The following AGBL1 variants were observed in gnomAD, a reference collection of about 807,000 sequenced individuals.
AGBL1 encodes cytosolic carboxypeptidase 4.
A neutral mutation model predicts 118.9 loss-of-function variants in AGBL1; 130 were observed. The ratio of observed to expected loss-of-function variants is 1.09; its 90% confidence interval spans 0.95 to 1.26. The LOEUF is 1.26. Ranked by LOEUF, AGBL1 falls within the 50% of genes most tolerant of loss-of-function variation. The probability of loss-of-function intolerance (pLI) is 0.00; values close to 1 mark genes in which losing one functional copy is unlikely to be tolerated. For synonymous variants in AGBL1, 555 were observed against 478.9 expected (o/e 1.16, Z -2.08); for missense variants, 1,584 against 1,298.1 (o/e 1.22, Z -3.38).
chr15:86,298,246 A>ATAT lies in AGBL1; in HGVS notation c.2374+2838_2374+2839insTAT, dbSNP rs1555462936. 1.8e-3 allele frequency among the ~76,000 whole-genome samples: 126 copies of ATAT among 69,806 alleles called. 5 individuals carry two copies. Among genetic ancestry groups the ATAT allele is most frequent in the African/African-American group, 8.1e-3 (125 of 15,352 alleles). The allele number at this position is 69,806 out of a possible 152,430, so 45.8% of individuals were successfully genotyped here. A position where few individuals can be genotyped will look rare whatever the true frequency, so the allele number is the denominator to read the frequency against. On this transcript the variant is annotated intron_variant, in intron 17 of 22. Coordinates refer to ENST00000614907, the MANE Select transcript of AGBL1 (RefSeq NM_001386094.1). ...GTATACAGGGTACGTGTCTGTGTAT[A>ATAT]ATATATATATATATATATATATATA...
intron 22 of AGBL1, among the ~76,000 whole-genome samples, chr15:86,689,497 TTGTC>T (rs897932463): frequency 6.6e-6 from 1 of 152,098 alleles, no homozygotes; most frequent in African/African-American, 2.4e-5. Flanking sequence ...GAACAAATCT[TTGTC>T]AAGCCTCTCA....
chr15:86,447,749 G>A (rs1002040801), intron 18 of AGBL1, among the ~76,000 whole-genome samples: 3 of 152,132 alleles, frequency 2.0e-5, no homozygotes, highest in African/African-American at 4.8e-5. Context: ...AGGCCAGCGC[G>A]GAATATCTGG....
chr15:86,153,663 AAAAG>A (rs2077148051), intron 3 of AGBL1, among the ~76,000 whole-genome samples: 1 of 152,248 alleles, frequency 6.6e-6, no homozygotes, highest in Non-Finnish European at 1.5e-5. Context: ...TATTTTTTAA[AAAAG>A]AAAGAAACAT....
At chr15:86,786,750 T>C (rs1041472321) in intron 22 of AGBL1, among the ~76,000 whole-genome samples, 2 of 152,252 alleles carry the variant, frequency 1.3e-5, no homozygotes, top group Non-Finnish European at 2.9e-5. Context: ...CATATGCATG[T>C]TGCTACATGT....
chr15:86,606,568 A>G (rs1424503123), intron 21 of AGBL1, among the ~76,000 whole-genome samples: 1 of 152,174 alleles, frequency 6.6e-6, no homozygotes, highest in Admixed American at 6.5e-5. Flanking sequence ...AAGTGAGAGT[A>G]AAATGGTGTT....
Position 86,264,828 on chromosome 15 carries a change from G to A in AGBL1, c.1657G>A (p.Gly553Arg). The A allele has an allele frequency of 6.3e-7, 1 of 1,591,196 alleles. No homozygotes were observed. Among genetic ancestry groups the A allele is most frequent in the Non-Finnish European group, 8.5e-7 (1 of 1,171,738 alleles). Residue 553 changes from glycine to arginine, a missense_variant, in exon 11 of 23, where the codon GGA (glycine) becomes AGA (arginine). Physicochemically the swap from Gly to Arg is moderately radical, Grantham distance 125. Coordinates refer to ENST00000614907, the MANE Select transcript of AGBL1 (RefSeq NM_001386094.1). ...TTQPMLERKC[G>R]VQRIRIFEDI... ...CCAGCCTATGTTGGAACGAAAATGTGGAGTCCAAAGGTGATGGCGCTACTG... is the reference window on the plus strand; with the variant it reads ...CCAGCCTATGTTGGAACGAAAATGTAGAGTCCAAAGGTGATGGCGCTACTG...
intron 22 of AGBL1, among the ~76,000 whole-genome samples, chr15:86,701,110 C>G (rs1038021363): frequency 1.3e-5 from 2 of 152,164 alleles, no homozygotes; most frequent in Non-Finnish European, 2.9e-5. Context: ...CATTTGCATT[C>G]CATTATCCAC....
intron 18 of AGBL1, among the ~76,000 whole-genome samples, chr15:86,466,396 C>T (rs973558302): frequency 1.3e-5 from 2 of 152,316 alleles, no homozygotes; most frequent in East Asian, 1.9e-4. Context: ...ATTCCTCTAA[C>T]CTTTTATCAA....
intron 1 of AGBL1, among the ~76,000 whole-genome samples, chr15:86,116,184 G>A (rs1597413937): frequency 1.3e-5 from 2 of 152,218 alleles, no homozygotes; most frequent in African/African-American, 2.4e-5. Flanking sequence ...ATTGCTCTAG[G>A]TGATTTCAGC....
chr15:86,275,558 T>A (rs955539777), intron 15 of AGBL1, among the ~76,000 whole-genome samples: 1 of 152,218 alleles, frequency 6.6e-6, no homozygotes, highest in Non-Finnish European at 1.5e-5. Context: ...TTCCAGCATA[T>A]TTTTAAGTAC....
chr15:86,101,318 A>G (rs2141498685), intron 1 of AGBL1, among the ~76,000 whole-genome samples: 1 of 152,256 alleles, frequency 6.6e-6, no homozygotes, highest in Non-Finnish European at 1.5e-5. Context: ...CAATGAGAAG[A>G]AAGTATATTC....
At chr15:86,107,913 C>T (rs1424307677) in intron 1 of AGBL1, among the ~76,000 whole-genome samples, 2 of 152,118 alleles carry the variant, frequency 1.3e-5, no homozygotes, top group Non-Finnish European at 2.9e-5. Flanking sequence ...ATAGTAGTAC[C>T]TCATTTTTTA....
chr15:86,152,501 T>G (rs1050705175), intron 3 of AGBL1, among the ~76,000 whole-genome samples: 1 of 152,142 alleles, frequency 6.6e-6, no homozygotes, highest in Non-Finnish European at 1.5e-5. Context: ...TTAAACCTTG[T>G]ACAAAAATTA....
chr15:86,960,452 C>A (rs1452915392), intron 23 of AGBL1, among the ~76,000 whole-genome samples: 1 of 151,924 alleles, frequency 6.6e-6, no homozygotes, highest in East Asian at 1.9e-4. Context: ...GAGCTTGACA[C>A]AAGAGAAAGT....
chr15:86,882,997 T>G (rs902878340), intron 22 of AGBL1, among the ~76,000 whole-genome samples: 1 of 152,228 alleles, frequency 6.6e-6, no homozygotes, highest in African/African-American at 2.4e-5. Flanking sequence ...GAAATGAATT[T>G]AGAGGAGTTG....
intron 18 of AGBL1, among the ~76,000 whole-genome samples, chr15:86,409,441 G>A (rs1281858671): frequency 6.6e-6 from 1 of 152,082 alleles, no homozygotes; most frequent in Non-Finnish European, 1.5e-5. Context: ...GTTCCCAAGG[G>A]CTTCCTCACA....
intron 18 of AGBL1, among the ~76,000 whole-genome samples, chr15:86,510,453 T>C (rs1596205956): frequency 6.6e-6 from 1 of 152,182 alleles, no homozygotes; most frequent in East Asian, 1.9e-4. Context: ...AAAATAAATA[T>C]GGGGTCTTAT....
chr15:86,648,383 G>A (rs1341288384), intron 21 of AGBL1, among the ~76,000 whole-genome samples: 1 of 152,184 alleles, frequency 6.6e-6, no homozygotes, highest in Non-Finnish European at 1.5e-5. Context: ...ATGGATTAGA[G>A]GTGGTGGGTG....
rs28680737 is a variant in AGBL1, at chr15:86,912,656, T to C, written c.*5362T>C. 0.13 allele frequency: 20,122 copies of C among 152,024 alleles called. 1,764 individuals carry two copies. The highest frequency in any genetic ancestry group is 0.25 in the African/African-American group (10,486 of 41,462). 9.4% of individuals were successfully genotyped at this position (152,024 alleles called of 1,614,324 possible). ...CAGCCTGGAAAATGGTGCCGTAGAG[T>C]CGATTTCATATGCTAAGGGCAGCCT... On this transcript the variant is annotated 3_prime_UTR_variant, in exon 23 of 23. Transcript: ENST00000614907.
Sources: gnomAD v4.1 joint callset for allele counts (sites outside exome capture counted in the v4.1 genomes callset) on GRCh38, gnomAD v4.1.1 for gene constraint, MANE v1.5 for transcripts, NCBI Gene and HGNC (gene_info 2026-07-23, HGNC 2026-07-21) for gene names.